AK9: variants seen among roughly 807,000 people sequenced by gnomAD.
AK9 encodes the protein adenylate kinase domain containing 1.
Under a neutral mutation model 239.6 loss-of-function variants are expected in AK9, and 191 were observed. The ratio of observed to expected loss-of-function variants is 0.80; its 90% confidence interval spans 0.71 to 0.90. The LOEUF (loss-of-function observed/expected upper bound fraction) is 0.90. Among genes scored for constraint, AK9 ranks in the 40% least tolerant of loss-of-function variants. AK9 has a pLI of 0.00. For missense variants in AK9, 1,995 were observed against 2,214.7 expected, an observed-to-expected ratio of 0.90 and a Z score of 1.99; for synonymous variants, 689 against 721.0, an observed-to-expected ratio of 0.96 and a Z score of 0.71.
chr6:109,674,986 T>G (rs1009299063), intron 2 of AK9, among the ~76,000 whole-genome samples: 1 of 152,168 alleles, frequency 6.6e-6, no homozygotes, highest in African/African-American at 2.4e-5. Flanking sequence ...AAAGCAAACT[T>G]TATTATAATA....
rs1041643469 is a variant in AK9, at chr6:109,499,092, T to C, written c.4998A>G (p.Ala1666=). 1.2e-6 allele frequency: 2 copies of C among 1,605,764 alleles called. No individual in the cohort carries two copies. Among genetic ancestry groups the C allele is most frequent in the Non-Finnish European group, 1.7e-6 (2 of 1,175,722 alleles). The change falls in exon 36 of 41, where the codon GCA becomes GCG. Residue 1666 remains alanine (A), a synonymous_variant. Transcript: ENST00000424296. ...CSATDSLEFA[A]EFRGHYYKMS... is the part of the protein sequence containing the mutation. ...TTTTATAGTAGTGCCCCCTGAACTC[T>C]GCTGCAAATTCCAAGGAGTCAGTTG...
rs543306542 is a variant in AK9 at position 109,569,669 on chromosome 6, C to A, written c.2344+3773G>T. ...GAAGACATTTCTGCAGCCAACAGAC[C>A]CATGAAAAAATGCTCATTATTACTG... On this transcript the variant is annotated intron_variant, in intron 21 of 40. Coordinates refer to ENST00000424296, the MANE Select transcript of AK9 (RefSeq NM_001145128.3). 1.2e-4 allele frequency among the ~76,000 whole-genome samples: 19 copies of A among 152,032 alleles called. No individual in the cohort carries two copies. In the East Asian group the frequency reaches 2.1e-3, roughly 17 times the overall value.
At chr6:109,540,023 G>A (rs1263453969) in intron 27 of AK9, among the ~76,000 whole-genome samples, 1 of 152,152 alleles carries the variant, frequency 6.6e-6, no homozygotes, top group Non-Finnish European at 1.5e-5. Context: ...ACTGGGGGGT[G>A]CCTCCCAGTT....
chr6:109,646,175 G>A (rs1051059861), intron 8 of AK9, among the ~76,000 whole-genome samples: 1 of 152,206 alleles, frequency 6.6e-6, no homozygotes, highest in Admixed American at 6.5e-5. Context: ...AAAAACCAGA[G>A]TGCCTCTAAT....
At chr6:109,652,055 G>C (rs888420317) in intron 8 of AK9, among the ~76,000 whole-genome samples, 11 of 152,246 alleles carry the variant, frequency 7.2e-5, no homozygotes, top group African/African-American at 2.4e-4. Flanking sequence ...CTCATTTTAT[G>C]AGGCCAGCAT....
At chr6:109,542,313 T>C in intron 26 of AK9, 142 bp from the exon 27 acceptor site, 1 of 738,444 alleles carries the variant, frequency 1.4e-6, no homozygotes, top group African/African-American at 1.8e-5. Context: ...CAGGGAAGGG[T>C]GTGTGGTAGG....
At chr6:109,511,641 G>A (rs1778761244) in intron 32 of AK9, among the ~76,000 whole-genome samples, 1 of 152,034 alleles carries the variant, frequency 6.6e-6, no homozygotes, top group Non-Finnish European at 1.5e-5. Context: ...AGTGGGTGGA[G>A]GATACTCAGA....
chr6:109,669,200 G>C (rs1188548076), intron 5 of AK9, among the ~76,000 whole-genome samples: 1 of 151,884 alleles, frequency 6.6e-6, no homozygotes, highest in Non-Finnish European at 1.5e-5. Context: ...GTTTGTTATT[G>C]GTGTATAAGA....
chr6:109,601,920 A>G (rs1792047283), intron 17 of AK9, among the ~76,000 whole-genome samples: 1 of 151,758 alleles, frequency 6.6e-6, no homozygotes, highest in Non-Finnish European at 1.5e-5. Context: ...TTGCTTTCCA[A>G]TTGCTTTGTA....
intron 10 of AK9, among the ~76,000 whole-genome samples, chr6:109,634,070 C>T (rs1796438325): frequency 6.6e-6 from 1 of 152,116 alleles, no homozygotes; most frequent in Admixed American, 6.5e-5. Flanking sequence ...GTTTGAATGT[C>T]CCCTCCAAAA....
At chr6:109,674,571 A>C (rs1771428052) in intron 2 of AK9, among the ~76,000 whole-genome samples, 1 of 152,216 alleles carries the variant, frequency 6.6e-6, no homozygotes, top group Non-Finnish European at 1.5e-5. Flanking sequence ...TTTGATTACA[A>C]ATCATTGTGA....
At chr6:109,653,218 C>A (rs561579429) in intron 8 of AK9, among the ~76,000 whole-genome samples, 4 of 152,124 alleles carry the variant, frequency 2.6e-5, no homozygotes, top group Admixed American at 2.6e-4. Context: ...TGAGACAACA[C>A]GCCTGGCAAA....
intron 29 of AK9, among the ~76,000 whole-genome samples, chr6:109,524,351 C>A (rs776715557): frequency 4.6e-5 from 7 of 152,088 alleles, no homozygotes; most frequent in Non-Finnish European, 8.8e-5. Context: ...CTATGTATAA[C>A]TGGGGTACTA....
intron 5 of AK9, among the ~76,000 whole-genome samples, chr6:109,668,234 T>G (rs200465928): frequency 6.6e-6 from 1 of 152,062 alleles, no homozygotes; most frequent in Admixed American, 6.5e-5. Flanking sequence ...CTTTGCCCAC[T>G]TTTTGATGGG....
chr6:109,648,249 C>T (rs1798361153), intron 8 of AK9, among the ~76,000 whole-genome samples: 1 of 152,056 alleles, frequency 6.6e-6, no homozygotes, highest in South Asian at 2.1e-4. Context: ...CAGAGCAGAA[C>T]TGAAGGAAAT....
intron 21 of AK9, among the ~76,000 whole-genome samples, chr6:109,569,736 T>C (rs1011182604): frequency 1.3e-5 from 2 of 152,118 alleles, no homozygotes; most frequent in Admixed American, 6.5e-5. Flanking sequence ...TGAGATACCA[T>C]CTCACACCAG....
intron 32 of AK9, among the ~76,000 whole-genome samples, chr6:109,513,729 C>T (rs1778982246): frequency 6.6e-6 from 1 of 152,186 alleles, no homozygotes; most frequent in Non-Finnish European, 1.5e-5. Flanking sequence ...AGTCACATAG[C>T]AGTAGTTACT....
At chr6:109,597,307 T>C (rs1487169161) in intron 17 of AK9, among the ~76,000 whole-genome samples, 1 of 152,204 alleles carries the variant, frequency 6.6e-6, no homozygotes, top group Non-Finnish European at 1.5e-5. Flanking sequence ...GTCAAAAACT[T>C]TGCCAATTAG....
At chr6:109,589,394 C>T (rs564031975) in intron 17 of AK9, among the ~76,000 whole-genome samples, 16 of 152,138 alleles carry the variant, frequency 1.1e-4, no homozygotes, top group African/African-American at 3.9e-4. Context: ...TATTGGTGTA[C>T]AGAAATGGCA....
Sources: allele counts gnomAD v4.1 joint callset (sites outside exome capture counted in the v4.1 genomes callset), GRCh38; gene constraint gnomAD v4.1.1; transcripts MANE v1.5; gene names NCBI Gene and HGNC (gene_info 2026-07-23, HGNC 2026-07-21).